Variants in NAALADL2 observed in about 807,000 individuals in gnomAD.
NAALADL2 encodes the protein N-acetylated alpha-linked acidic dipeptidase like 2, also known as inactive N-acetylated-alpha-linked acidic dipeptidase-like protein 2.
NAALADL2 carries 76 observed loss-of-function variants against 87.2 expected under a neutral mutation model. That is an observed-to-expected ratio of 0.87 (90% CI 0.72 to 1.05). The LOEUF is 1.05. NAALADL2 is among the 50% of genes least tolerant of loss of function. The pLI, the probability that NAALADL2 is intolerant of heterozygous loss-of-function variation, is 0.00. For synonymous variants in NAALADL2, 354 were observed against 331.0 expected (o/e 1.07, Z -0.75); for missense variants, 1,089 against 945.8 (o/e 1.15, Z -1.99).
chr3:175,756,624 A>G (rs1747294086), intron 13 of NAALADL2, among the ~76,000 whole-genome samples: 1 of 152,142 alleles, frequency 6.6e-6, no homozygotes. Flanking sequence ...ATAATAATAG[A>G]TACACATGGA....
chr3:175,357,386 T>G (rs1487470973), intron 5 of NAALADL2, among the ~76,000 whole-genome samples: 1 of 152,200 alleles, frequency 6.6e-6, no homozygotes, highest in Admixed American at 6.6e-5. Flanking sequence ...AGACTTATAC[T>G]TCTGCCAACA....
At chr3:174,568,750 TC>T (rs1317519997) in intron 2 of NAALADL2, among the ~76,000 whole-genome samples, 2 of 151,868 alleles carry the variant, frequency 1.3e-5, no homozygotes, top group Non-Finnish European at 3.0e-5. Context: ...TTTTTCTGAA[TC>T]CCCATGCCAT....
intron 3 of NAALADL2, among the ~76,000 whole-genome samples, chr3:174,745,417 C>T (rs1400643894): frequency 1.3e-5 from 2 of 151,996 alleles, no homozygotes; most frequent in African/African-American, 2.4e-5. Flanking sequence ...CCTGAATAGA[C>T]CAATAAGTTC....
chr3:175,338,622 A>AACACACACAC (rs202022603), intron 5 of NAALADL2, among the ~76,000 whole-genome samples: 28 of 88,468 alleles, frequency 3.2e-4, no homozygotes, highest in African/African-American at 8.6e-4. Context: ...AAACACCACA[A>AACACACACAC]ACACACACAC....
intron 1 of NAALADL2, among the ~76,000 whole-genome samples, chr3:175,088,754 A>G (rs1363911527): frequency 6.6e-6 from 1 of 152,242 alleles, no homozygotes; most frequent in Non-Finnish European, 1.5e-5. Context: ...CCTGGCTGAA[A>G]AGATGAAAAA....
chr3:175,754,743 ACTTG>A (rs920936694), intron 12 of NAALADL2, among the ~76,000 whole-genome samples: 5 of 152,166 alleles, frequency 3.3e-5, no homozygotes, highest in African/African-American at 1.2e-4. Flanking sequence ...CCTGTTATTT[ACTTG>A]CTTGATAACC....
At chr3:175,412,007 G>A (rs1713615275) in intron 5 of NAALADL2, among the ~76,000 whole-genome samples, 1 of 152,128 alleles carries the variant, frequency 6.6e-6, no homozygotes, top group African/African-American at 2.4e-5. Context: ...AACCCTGATC[G>A]AAGATAGCAG....
chr3:174,686,633 G>A (rs2108840650), intron 2 of NAALADL2, among the ~76,000 whole-genome samples: 1 of 152,078 alleles, frequency 6.6e-6, no homozygotes, highest in South Asian at 2.1e-4. Flanking sequence ...CCAGAAATAA[G>A]CCTGCACCCC....
rs115166537 is a variant in NAALADL2 at position 175,167,752 on chromosome 3, T to G, written c.546-66179T>G. On this transcript the variant is annotated intron_variant, in intron 2 of 13. Coordinates refer to ENST00000454872, the MANE Select transcript of NAALADL2 (RefSeq NM_207015.3). ...CTTCTCATGCTGCTCTTCCTCATCTTTTAGGTTTCAGTTAAAAAACAGCAT... is the reference window on the plus strand; with the variant it reads ...CTTCTCATGCTGCTCTTCCTCATCTGTTAGGTTTCAGTTAAAAAACAGCAT... Among the ~76,000 whole-genome samples the G allele has an allele frequency of 5.3e-3, 805 of 152,146 alleles. 7 individuals are homozygous for G. Among genetic ancestry groups the G allele is most frequent in the African/African-American group, 0.018 (754 of 41,546 alleles).
chr3:175,390,159 G>C (rs534690278), intron 5 of NAALADL2, among the ~76,000 whole-genome samples: 13 of 151,912 alleles, frequency 8.6e-5, no homozygotes, highest in Non-Finnish European at 1.5e-4. Context: ...AGATTTAAAA[G>C]TGTTCAGGTA....
chr3:175,366,666 A>C (rs961701744), intron 5 of NAALADL2, among the ~76,000 whole-genome samples: 1 of 151,402 alleles, frequency 6.6e-6, no homozygotes, highest in Admixed American at 6.6e-5. Flanking sequence ...TCTTTTGAGA[A>C]GTGTCTGTTC....
At chr3:175,442,436 T>C (rs1719949141) in intron 5 of NAALADL2, among the ~76,000 whole-genome samples, 1 of 152,202 alleles carries the variant, frequency 6.6e-6, no homozygotes, top group Admixed American at 6.5e-5. Context: ...AACTTACTTA[T>C]TTTAATGCTA....
At position 174,625,062 on chromosome 3, in the gene NAALADL2, T is replaced by C. The variant is rs1417999979; in HGVS notation, c.-115+74425T>C. 4.8e-3 allele frequency among the ~76,000 whole-genome samples: 659 copies of C among 136,902 alleles called. 6 individuals are homozygous for C. The highest frequency in any genetic ancestry group is 0.017 in the African/African-American group (561 of 32,408). The allele number at this position is 136,902 out of a possible 152,430, so 89.8% of individuals were successfully genotyped here. The stretch of plus-strand genomic sequence containing the variant: ...ATTGCTATCTCTCTCTCTCTCTTTT[T>C]TTTTTTTTTTTTTTGAGACAGGGTC... On this transcript the variant is annotated intron_variant, in intron 2 of 3. Coordinates refer to the NAALADL2 transcript ENST00000434257.
chr3:175,174,795 A>ATGTGTG (rs767210969), intron 2 of NAALADL2, among the ~76,000 whole-genome samples: 1 of 131,164 alleles, frequency 7.6e-6, no homozygotes, highest in African/African-American at 2.5e-5. Context: ...GTGTATATAT[A>ATGTGTG]TGTGTGTGTG....
At chr3:175,406,440 T>C (rs2149076097) in intron 5 of NAALADL2, among the ~76,000 whole-genome samples, 1 of 152,290 alleles carries the variant, frequency 6.6e-6, no homozygotes, top group East Asian at 1.9e-4. Flanking sequence ...GAATTTTCCT[T>C]CTATCCATTA....
intron 13 of NAALADL2, among the ~76,000 whole-genome samples, chr3:175,772,637 CCA>C (rs1749658389): frequency 6.6e-6 from 1 of 152,144 alleles, no homozygotes; most frequent in African/African-American, 2.4e-5. Flanking sequence ...GGTCTGGGGT[CCA>C]GTTACACAGG....
intron 13 of NAALADL2, among the ~76,000 whole-genome samples, chr3:175,761,576 A>T (rs115915908): frequency 2.0e-3 from 308 of 151,626 alleles, no homozygotes; most frequent in African/African-American, 7.2e-3. Context: ...GGAAACTGCC[A>T]AACTGTCTTT....
chr3:175,165,490 A>G (rs555148164), intron 2 of NAALADL2, among the ~76,000 whole-genome samples: 10 of 152,324 alleles, frequency 6.6e-5, no homozygotes, highest in African/African-American at 2.2e-4. Flanking sequence ...TATAATTAAA[A>G]GTTAATAAAA....
At chr3:174,605,669 G>A (rs1264481194) in intron 2 of NAALADL2, among the ~76,000 whole-genome samples, 2 of 152,104 alleles carry the variant, frequency 1.3e-5, no homozygotes, top group Non-Finnish European at 2.9e-5. Context: ...CAGGAAGCTC[G>A]AACTGGGTGG....
Sources: gnomAD v4.1 joint callset for allele counts (sites outside exome capture counted in the v4.1 genomes callset) on GRCh38, gnomAD v4.1.1 for gene constraint, MANE v1.5 for transcripts, NCBI Gene and HGNC (gene_info 2026-07-23, HGNC 2026-07-21) for gene names.